LRRC69: variants seen among roughly 807,000 people sequenced by gnomAD.
LRRC69 encodes the protein leucine rich repeat containing 69.
LRRC69 carries 42 observed loss-of-function variants against 37.8 expected under a neutral mutation model. That is an observed-to-expected ratio of 1.11 (90% CI 0.87 to 1.44). LRRC69 has a LOEUF of 1.44. LRRC69 is among the 40% of genes most tolerant of loss of function. The pLI, the probability that LRRC69 is intolerant of heterozygous loss-of-function variation, is 0.00. For synonymous variants in LRRC69, 141 were observed against 143.1 expected, an observed-to-expected ratio of 0.99 and a Z score of 0.11; for missense variants, 357 against 401.9, an observed-to-expected ratio of 0.89 and a Z score of 0.96.
At chr8:91,133,182 T>G (rs1586236420) in exon 4 of LRRC69, 5 of 1,545,716 alleles carry the variant, frequency 3.2e-6, no homozygotes, top group Non-Finnish European at 4.4e-6. Context: ...TTTGTTTTCT[T>G]GAGAATCTTG....
intron 5 of LRRC69, among the ~76,000 whole-genome samples, chr8:91,168,597 C>T (rs775478578): frequency 1.3e-5 from 2 of 151,914 alleles, no homozygotes; most frequent in Admixed American, 6.6e-5. Flanking sequence ...AGCACGAAGA[C>T]AACAACCTAC....
At chr8:91,156,805 G>A (rs1212899125) in intron 5 of LRRC69, among the ~76,000 whole-genome samples, 2 of 150,844 alleles carry the variant, frequency 1.3e-5, no homozygotes. Context: ...TTTATGGTGG[G>A]AGATATGAGT....
chr8:91,102,759 T>C (rs938004010), exon 1 of LRRC69: 11 of 1,551,844 alleles, frequency 7.1e-6, no homozygotes, highest in Non-Finnish European at 9.6e-6. Flanking sequence ...CCCTCAGCAT[T>C]AGGAAAACTG....
chr8:91,218,464 A>G (rs1299726247), intron 7 of LRRC69, among the ~76,000 whole-genome samples: 2 of 152,200 alleles, frequency 1.3e-5, no homozygotes, highest in African/African-American at 4.8e-5. Context: ...AATTTTAGGA[A>G]GATTAATTTC....
At chr8:91,118,999 T>C (rs1330531329) in intron 1 of LRRC69, among the ~76,000 whole-genome samples, 2 of 152,086 alleles carry the variant, frequency 1.3e-5, no homozygotes, top group African/African-American at 4.8e-5. Context: ...TTGTCTTTTT[T>C]TCATATTTAA....
chr8:91,208,044 A>G (rs1809836812), intron 7 of LRRC69, among the ~76,000 whole-genome samples: 2 of 152,104 alleles, frequency 1.3e-5, no homozygotes, highest in Non-Finnish European at 2.9e-5. Context: ...TCTGTGTCCA[A>G]ATTTCCTCTT....
chr8:91,199,738 TG>T (rs1011306781), intron 6 of LRRC69, among the ~76,000 whole-genome samples: 1 of 152,154 alleles, frequency 6.6e-6, no homozygotes, highest in Non-Finnish European at 1.5e-5. Context: ...AGGACTTCCA[TG>T]CTACTGACAA....
At chr8:91,213,922 T>C (rs1016033283) in intron 7 of LRRC69, among the ~76,000 whole-genome samples, 3 of 152,184 alleles carry the variant, frequency 2.0e-5, no homozygotes, top group African/African-American at 4.8e-5. Context: ...GCCATGAACC[T>C]GTCAAAGGAT....
intron 7 of LRRC69, among the ~76,000 whole-genome samples, chr8:91,206,535 G>T (rs554315178): frequency 6.6e-6 from 1 of 152,172 alleles, no homozygotes; most frequent in African/African-American, 2.4e-5. Context: ...TGAGTACAGC[G>T]TGTCAGATTA....
intron 5 of LRRC69, among the ~76,000 whole-genome samples, chr8:91,181,812 G>T (rs1450029076): frequency 6.6e-6 from 1 of 152,054 alleles, no homozygotes; most frequent in African/African-American, 2.4e-5. Flanking sequence ...CCATGAGAAG[G>T]GAGTGTCCAA....
At chr8:91,145,356 T>G (rs190356436) in intron 5 of LRRC69, among the ~76,000 whole-genome samples, 3 of 152,046 alleles carry the variant, frequency 2.0e-5, no homozygotes, top group Admixed American at 1.3e-4. Flanking sequence ...CCATGAGAAA[T>G]TCCAGTTGGC....
Position 91,152,989 on chromosome 8 carries a change from G to A in LRRC69, c.651+17250G>A, listed in dbSNP as rs972156452. Among the ~76,000 whole-genome samples, 17 of 151,284 alleles carry A rather than the reference G, an allele frequency of 1.1e-4. 2 individuals carry two copies. Among genetic ancestry groups the A allele is most frequent in the East Asian group, 5.9e-4 (3 of 5,128 alleles). On this transcript the variant is annotated intron_variant, in intron 5 of 7. Coordinates refer to ENST00000448384, the Ensembl canonical transcript of LRRC69. ...GCTGTATTCAAGAGACCCATCTCAT[G>A]TGCCAAGATACACATAGGCTCAAAA...
At chr8:91,152,552 C>T (rs1018365689) in intron 5 of LRRC69, among the ~76,000 whole-genome samples, 8 of 151,532 alleles carry the variant, frequency 5.3e-5, no homozygotes, top group African/African-American at 1.9e-4. Context: ...AGTTTGAAGT[C>T]AGGTAGCATG....
intron 5 of LRRC69, among the ~76,000 whole-genome samples, chr8:91,178,330 C>T (rs1809270414): frequency 1.3e-5 from 2 of 152,178 alleles, no homozygotes; most frequent in African/African-American, 4.8e-5. Flanking sequence ...TATGGCCCCT[C>T]CTCTTTCTGG....
chr8:91,184,998 G>A (rs1809382779), intron 5 of LRRC69, among the ~76,000 whole-genome samples: 1 of 152,146 alleles, frequency 6.6e-6, no homozygotes, highest in Non-Finnish European at 1.5e-5. Context: ...AAGAGGGGGA[G>A]TGAAGTGGTA....
At chr8:91,180,366 A>G (rs1346732851) in intron 5 of LRRC69, among the ~76,000 whole-genome samples, 1 of 152,166 alleles carries the variant, frequency 6.6e-6, no homozygotes, top group Non-Finnish European at 1.5e-5. Flanking sequence ...CAACAGAGCT[A>G]CCTGAATATT....
At chr8:91,154,268 T>A (rs1250174557) in intron 5 of LRRC69, among the ~76,000 whole-genome samples, 1 of 150,990 alleles carries the variant, frequency 6.6e-6, no homozygotes, top group East Asian at 1.9e-4. Flanking sequence ...ATCAGATGGA[T>A]TCACAGCTGA....
intron 5 of LRRC69, among the ~76,000 whole-genome samples, chr8:91,148,062 C>A (rs113438586): frequency 6.7e-6 from 1 of 149,944 alleles, no homozygotes; most frequent in Non-Finnish European, 1.5e-5. Flanking sequence ...TGGCTGCATA[C>A]TATTCCATGG....
At chr8:91,170,421 C>G (rs1207817658) in intron 5 of LRRC69, among the ~76,000 whole-genome samples, 1 of 145,070 alleles carries the variant, frequency 6.9e-6, no homozygotes, top group Admixed American at 6.9e-5. Context: ...TCATATGGAA[C>G]CAAAAAAGAG....
Sources: allele counts gnomAD v4.1 joint callset (sites outside exome capture counted in the v4.1 genomes callset), GRCh38; gene constraint gnomAD v4.1.1; transcripts MANE v1.5; gene names NCBI Gene and HGNC (gene_info 2026-07-23, HGNC 2026-07-21).